The following C3 variants were observed in gnomAD, a reference collection of about 807,000 sequenced individuals.
C3 encodes the protein complement C3.
A neutral mutation model predicts 207.9 loss-of-function variants in C3; 97 were observed. The observed-to-expected ratio is 0.47, with a 90% CI of 0.40 to 0.55. The LOEUF is 0.55. Among genes scored for constraint, C3 ranks in the 20% least tolerant of loss-of-function variants. The pLI is 0.00. For synonymous variants in C3, 848 were observed against 857.6 expected (o/e 0.99, Z 0.20); for missense variants, 1,684 against 2,171.7 (o/e 0.78, Z 4.46).
rs764290915 is a variant in C3 at position 6,702,611 on chromosome 19, G to C, written c.2246-32C>G. ...GGGGTTTAGATCTGCATTTAGAACA[G>C]AGCAGGCCAGTTGCCATGGCTCATG... is the stretch of plus-strand genomic sequence containing the variant. On this transcript the variant is annotated intron_variant, in intron 17 of 40. Coordinates refer to ENST00000245907, the MANE Select transcript of C3 (RefSeq NM_000064.4). 24 of 1,454,830 alleles carry C rather than the reference G, an allele frequency of 1.6e-5. No individual in the cohort carries two copies. The Middle Eastern group carries it at 1.2e-3, about 73-fold the overall frequency. The allele number at this position is 1,454,830 out of a possible 1,614,324, so 90.1% of individuals were successfully genotyped here. A position where few individuals can be genotyped will look rare whatever the true frequency, so the allele number is the denominator to read the frequency against.
chr19:6,686,453 C>A, intron 28 of C3, 166 bp from the exon 29 acceptor site: 2 of 758,674 alleles, frequency 2.6e-6, no homozygotes, highest in Non-Finnish European at 4.6e-6. Context: ...TCTCTTGTTT[C>A]ATCAACTCTC....
rs1036790299 is a variant in C3 at position 6,702,714 on chromosome 19, A to G, written c.2246-135T>C. On this transcript the variant is annotated intron_variant, in intron 17 of 40. Transcript: ENST00000245907. Reference sequence around the variant, plus strand: ...GGAGTTGGAGACCAGCCTAGCTAACATGGTGAAACCCATCTCTACTAAAAA... The same window carrying G: ...GGAGTTGGAGACCAGCCTAGCTAACGTGGTGAAACCCATCTCTACTAAAAA... The G allele has an allele frequency of 2.4e-5, 17 of 714,430 alleles. No homozygotes were observed. In the Admixed American group the frequency reaches 2.9e-4, roughly 12 times the overall value. The allele number at this position is 714,430 out of a possible 1,614,324, so 44.3% of individuals were successfully genotyped here. A position where few individuals can be genotyped will look rare whatever the true frequency, so the allele number is the denominator to read the frequency against.
intron 14 of C3, 73 bp downstream of exon 14, chr19:6,709,611 T>TGCCCCCCCCCC: frequency 1.5e-5 from 17 of 1,109,416 alleles, no homozygotes; most frequent in Non-Finnish European, 2.0e-5. Context: ...CCCTCTCCAG[T>TGCCCCCCCCCC]CCCACCCACC....
chr19:6,718,554 A>T, intron 2 of C3, 142 bp from the exon 3 acceptor site: 1 of 896,738 alleles, frequency 1.1e-6, no homozygotes, highest in Non-Finnish European at 1.8e-6. Context: ...AGGGAGGGGC[A>T]TGTGAAGGAG....
At chr19:6,694,060 G>A (rs11570243) in intron 24 of C3, among the ~76,000 whole-genome samples, 2 of 110,010 alleles carry the variant, frequency 1.8e-5, no homozygotes, top group Middle Eastern at 4.5e-3. Context: ...CAGAGGGCGT[G>A]GCCTTGAGAA....
At chr19:6,693,353 C>T (rs922985095) in intron 25 of C3, 59 bp downstream of exon 25, 76 of 1,517,552 alleles carry the variant, frequency 5.0e-5, no homozygotes, top group Non-Finnish European at 6.7e-5. Context: ...AGGGTCCGGG[C>T]CCTGCTGGGG....
At position 6,680,220 on chromosome 19, in the gene C3, T is replaced by C. The variant is rs986050875; in HGVS notation, c.4394A>G (p.Gln1465Arg). 3.1e-6 allele frequency: 5 copies of C among 1,613,166 alleles called. No individual in the cohort carries two copies. In the African/African-American group the frequency reaches 6.7e-5, roughly 22 times the overall value. ...CTGGATAAGCTCTACATTAAAGTATTGGTGAACTTTGAAAGCTAGACAGTC... is the reference window on the plus strand; with the variant it reads ...CTGGATAAGCTCTACATTAAAGTATCGGTGAACTTTGAAAGCTAGACAGTC... ...EDDCLAFKVH[Q>R]YFNVELIQPG... Residue 1465 changes from glutamine (Q) to arginine (R), a missense_variant, in exon 36 of 41, where the codon CAA becomes CGA. Coordinates refer to ENST00000245907, the MANE Select transcript of C3 (RefSeq NM_000064.4).
Position 6,710,733 on chromosome 19 carries a change from A to AGGC in C3, c.1589_1591dup (p.Arg530dup). Reference sequence around the variant, plus strand: ...ACCGATCAGCGTGTAGTACGCCACCAGGCGGAAGGAAGGGATGAAGTCGGT... The same window carrying AGGC: ...ACCGATCAGCGTGTAGTACGCCACCAGGCGGCGGAAGGAAGGGATGAAGTCGGT... On this transcript the variant is annotated inframe_insertion, in exon 13 of 41. Coordinates refer to ENST00000245907, the MANE Select transcript of C3 (RefSeq NM_000064.4). 6.2e-7 allele frequency: 1 copy of AGGC among 1,613,802 alleles called. No homozygotes were observed. The highest frequency in any genetic ancestry group is 2.2e-5 in the East Asian group (1 of 44,878).
Position 6,694,492 on chromosome 19 carries a change from C to G in C3, c.3093G>C (p.Thr1031=), listed in dbSNP as rs992734527. Residue 1031 remains threonine, a synonymous_variant, in exon 24 of 41, where the codon ACG becomes ACC. Coordinates refer to ENST00000245907, the MANE Select transcript of C3 (RefSeq NM_000064.4). ...CTAGGCCGAACTTCTCCCACTGCTC[C>G]GTTTCATCCAGGTAATGCACAGCGA... ...TVIAVHYLDE[T]EQWEKFGLEK... is the part of the protein sequence containing the mutation. 7 of 1,614,146 alleles carry G rather than the reference C, an allele frequency of 4.3e-6. No individual in the cohort carries two copies. In the East Asian group the frequency reaches 8.9e-5, roughly 21 times the overall value.
rs912919378 is a variant in C3, at chr19:6,707,100, C to T, written c.2221G>A (p.Ala741Thr). Residue 741 changes from alanine (A) to threonine (T), a missense_variant, in exon 17 of 41, where the codon GCC becomes ACC. Transcript: ENST00000245907. ...CTCCTGGCCAGGCCCAGGTGGCTGG[C>T]CCGCGCGTGCTGCCGCCGCAGCTCT... The part of the protein sequence containing the change: ...ITELRRQHAR[A>T]SHLGLARSNL... The T allele has an allele frequency of 1.2e-6, 2 of 1,612,688 alleles. No individual in the cohort carries two copies. Among genetic ancestry groups the T allele is most frequent in the Non-Finnish European group, 1.7e-6 (2 of 1,179,788 alleles).
chr19:6,703,268 T>C (rs776478335), intron 17 of C3, among the ~76,000 whole-genome samples: 10 of 152,128 alleles, frequency 6.6e-5, no homozygotes, highest in Admixed American at 1.3e-4. Context: ...ACATATACAA[T>C]GCAGACTGGA....
chr19:6,678,299 G>A lies in C3; in HGVS notation c.4715-12C>T, dbSNP rs1917772532. ...CACCTCATCCGAGCCTGGAGTGGAG[G>A]GGAGAGGGAAGAAGCTGAGTCGTGG... On this transcript the variant is annotated splice_polypyrimidine_tract_variant and intron_variant, in intron 39 of 40. Transcript: ENST00000245907. 9.3e-6 allele frequency: 15 copies of A among 1,614,216 alleles called. No homozygotes were observed. The highest frequency in any genetic ancestry group is 1.3e-5 in the Non-Finnish European group (15 of 1,180,040).
chr19:6,701,141 T>C (rs1967665064), intron 19 of C3, among the ~76,000 whole-genome samples: 1 of 152,122 alleles, frequency 6.6e-6, no homozygotes, highest in Admixed American at 6.6e-5. Context: ...GGCCTTGTGG[T>C]TGGGGTCCTC....
At chr19:6,699,243 C>CTTTTTT (rs58493671) in intron 19 of C3, among the ~76,000 whole-genome samples, 66 of 131,142 alleles carry the variant, frequency 5.0e-4, no homozygotes, top group Middle Eastern at 3.8e-3. Context: ...CTTTTCTTTT[C>CTTTTTT]TTTTTTTTTT....
intron 33 of C3, chr19:6,683,186 A>G (rs940933280): frequency 6.6e-6 from 1 of 152,192 alleles, no homozygotes; most frequent in Non-Finnish European, 1.5e-5. Context: ...AAATATTGGA[A>G]GCTGATCCAA....
At position 6,719,416 on chromosome 19, in the gene C3, G is replaced by A. The variant is rs755561434; in HGVS notation, c.75-13C>T. 2.5e-6 allele frequency: 4 copies of A among 1,612,694 alleles called. No individual in the cohort carries two copies. The highest frequency in any genetic ancestry group is 3.4e-6 in the Non-Finnish European group (4 of 1,178,976). ...GATGATAGAGTACCTGTCGGAGTGG[G>A]GCACGGGAGTGGGCTTGTCATTCCA... On this transcript the variant is annotated splice_polypyrimidine_tract_variant and intron_variant, in intron 1 of 40. Coordinates refer to ENST00000245907, the MANE Select transcript of C3 (RefSeq NM_000064.4). The surrounding 1 kb of genome is among the most constrained non-coding windows in gnomAD (Gnocchi z 5.4).
chr19:6,717,777 A>ATTGTGTTGTGTG, intron 4 of C3: 1 of 472,128 alleles, frequency 2.1e-6, no homozygotes, highest in Non-Finnish European at 3.8e-6. Context: ...TGCTGTGTGT[A>ATTGTGTTGTGTG]TTGTGTTGTG....
At chr19:6,700,216 A>C (rs62125105) in intron 19 of C3, among the ~76,000 whole-genome samples, 81,345 of 115,356 alleles carry the variant, frequency 0.71, 29,565 homozygotes, top group East Asian at 0.87. Flanking sequence ...TGTATATATT[A>C]CATATATATT....
Position 6,678,266 on chromosome 19 carries a change from C to G in C3, c.4736G>C (p.Gly1579Ala). 6.2e-7 allele frequency: 1 copy of G among 1,614,144 alleles called. No individual in the cohort carries two copies. ...IKSGSDEVQV[G>A]QQRTFISPIK... Reference sequence around the variant, plus strand: ...GGGGCTGATGAACGTGCGCTGCTGTCCAACCTGCACCTCATCCGAGCCTGG... The same window carrying G: ...GGGGCTGATGAACGTGCGCTGCTGTGCAACCTGCACCTCATCCGAGCCTGG... The change falls in exon 40 of 41, where the codon GGA becomes GCA. Residue 1579 changes from glycine to alanine, a missense_variant. Around this residue, in one of 3 missense-constraint regions of C3, gnomAD observed 346 missense variants for 380.1 expected, o/e 0.91. Transcript: ENST00000245907.
Sources: allele counts gnomAD v4.1 joint callset (sites outside exome capture counted in the v4.1 genomes callset), GRCh38; gene constraint gnomAD v4.1.1; regional missense constraint gnomAD v4.1.1; non-coding constraint Gnocchi (gnomAD v3.1); transcripts MANE v1.5; gene names NCBI Gene and HGNC (gene_info 2026-07-23, HGNC 2026-07-21).